Variants in UBR4 observed in about 807,000 individuals in gnomAD.
The protein encoded by UBR4 is ubiquitin protein ligase E3 component n-recognin 4, also known as E3 ubiquitin-protein ligase UBR4.
In UBR4, 124 loss-of-function variants were observed where a neutral mutation model predicts 575.6. That is an observed-to-expected ratio of 0.22 (90% confidence interval 0.19 to 0.25). The LOEUF is 0.25. Among genes scored for constraint, UBR4 ranks in the 10% least tolerant of loss-of-function variants. UBR4 has a pLI of 1.00. For synonymous variants in UBR4, 2,455 were observed against 2,473.7 expected (o/e 0.99, Z 0.22); for missense variants, 4,818 against 6,478.8 (o/e 0.74, Z 8.80).
intron 60 of UBR4, among the ~76,000 whole-genome samples, chr1:19,131,745 T>C (rs1037039447): frequency 1.2e-4 from 19 of 152,208 alleles, no homozygotes; most frequent in African/African-American, 4.6e-4. Flanking sequence ...TGGTCACGCA[T>C]GCCTGTAATC....
intron 102 of UBR4, among the ~76,000 whole-genome samples, chr1:19,084,113 G>A (rs908974509): frequency 2.0e-5 from 3 of 152,206 alleles, no homozygotes; most frequent in Admixed American, 2.0e-4. Flanking sequence ...GACTAATGAT[G>A]TGGGCACAGC....
chr1:19,200,546 T>C (rs2092699099), intron 2 of UBR4, among the ~76,000 whole-genome samples: 1 of 151,876 alleles, frequency 6.6e-6, no homozygotes, highest in African/African-American at 2.4e-5. Context: ...GCCCAGGAGT[T>C]TGAGACCAGC....
At position 19,143,259 on chromosome 1, in the gene UBR4, G is replaced by GAAGAAAGAAAGA. The variant is rs200550539; in HGVS notation, c.8179+709_8179+720dup. Among the ~76,000 whole-genome samples, 778 of 91,530 alleles carry GAAGAAAGAAAGA rather than the reference G, an allele frequency of 8.5e-3. 9 individuals are homozygous for GAAGAAAGAAAGA. The highest frequency in any genetic ancestry group is 0.013 in the Middle Eastern group (3 of 232). The allele number at this position is 91,530 out of a possible 152,430, so 60.0% of individuals were successfully genotyped here. A position where few individuals can be genotyped will look rare whatever the true frequency, so the allele number is the denominator to read the frequency against. ...GGCAGGAAGGAAGGAAGGAAGGAAG[G>GAAGAAAGAAAGA]AAGAAAGAAAGAAAGAAAGAAAGAA... is the stretch of plus-strand genomic sequence containing the variant. On this transcript the variant is annotated intron_variant, in intron 55 of 105. Transcript: ENST00000375254.
intron 49 of UBR4, among the ~76,000 whole-genome samples, chr1:19,149,435 A>C (rs2085337968): frequency 6.6e-6 from 1 of 152,296 alleles, no homozygotes; most frequent in Non-Finnish European, 1.5e-5. Context: ...CGAGCTCTCT[A>C]GTGGGTTATC....
intron 25 of UBR4, among the ~76,000 whole-genome samples, chr1:19,171,395 G>A (rs926846543): frequency 3.3e-5 from 5 of 152,088 alleles, no homozygotes; most frequent in Non-Finnish European, 7.4e-5. Context: ...TACCTGGCAC[G>A]TAGCAGCCAT....
chr1:19,107,431 C>T (rs754566894), intron 81 of UBR4, among the ~76,000 whole-genome samples: 6 of 152,158 alleles, frequency 3.9e-5, no homozygotes, highest in Non-Finnish European at 8.8e-5. Context: ...AAAATTATTA[C>T]GGACTCCAGA....
chr1:19,155,407 C>A lies in UBR4; in HGVS notation c.6300+34G>T, dbSNP rs377425317. 4 of 1,579,150 alleles carry A rather than the reference C, an allele frequency of 2.5e-6. No homozygotes were observed. The African/African-American group carries it at 4.1e-5, about 16-fold the overall frequency. On this transcript the variant is annotated intron_variant, in intron 43 of 105. Coordinates refer to ENST00000375254, the MANE Select transcript of UBR4 (RefSeq NM_020765.3). Reference sequence around the variant, plus strand: ...AGAGGAGTTGCTAAATAATTAAATCCGGAATAGAAGGAAATAGCAACATGT... The same window carrying A: ...AGAGGAGTTGCTAAATAATTAAATCAGGAATAGAAGGAAATAGCAACATGT...
rs575622571 is a variant in UBR4 at position 19,144,991 on chromosome 1, T to A, written c.7946-84A>T. 329 of 1,529,770 alleles carry A rather than the reference T, an allele frequency of 2.2e-4. 9 individuals carry two copies. The South Asian group carries it at 3.7e-3, about 17-fold the overall frequency. The allele number at this position is 1,529,770 out of a possible 1,614,324, so 94.8% of individuals were successfully genotyped here. On this transcript the variant is annotated intron_variant, in intron 53 of 105. Coordinates refer to ENST00000375254, the MANE Select transcript of UBR4 (RefSeq NM_020765.3). ...AGTCTGAGACAAAAGTGTAACCTTT[T>A]ATCTCCATGTAAAAGGTCATGCAAA...
At chr1:19,082,080 T>G (rs1029348780) in intron 102 of UBR4, 1 of 394,392 alleles carries the variant, frequency 2.5e-6, no homozygotes, top group Admixed American at 4.1e-5. Flanking sequence ...TAAATGTGCA[T>G]GTGGTTCCTT....
chr1:19,112,409 T>C, intron 78 of UBR4, 115 bp downstream of exon 78: 7 of 1,207,694 alleles, frequency 5.8e-6, no homozygotes, highest in East Asian at 2.4e-5. Flanking sequence ...TGTTATAAGC[T>C]ACCTAACTTG....
chr1:19,120,652 T>TACAGTGAC (rs2081070669), intron 68 of UBR4, among the ~76,000 whole-genome samples: 1 of 152,080 alleles, frequency 6.6e-6, no homozygotes, highest in Non-Finnish European at 1.5e-5. Context: ...ACTGAACAAA[T>TACAGTGAC]ACAGTGACAC....
chr1:19,143,215 AAAGGAAGG>A (rs1315545733), intron 55 of UBR4, among the ~76,000 whole-genome samples: 3 of 119,214 alleles, frequency 2.5e-5, no homozygotes, highest in African/African-American at 9.5e-5. Flanking sequence ...GGAAGGAAAG[AAAGGAAGG>A]AAGGAAGGAA....
chr1:19,130,070 T>C (rs532536427), intron 60 of UBR4, among the ~76,000 whole-genome samples: 5 of 152,130 alleles, frequency 3.3e-5, no homozygotes, highest in South Asian at 4.2e-4. Context: ...TTAAAGAAAA[T>C]AGCTGGACAT....
At chr1:19,135,612 T>G (rs1327566132) in intron 60 of UBR4, among the ~76,000 whole-genome samples, 1 of 152,156 alleles carries the variant, frequency 6.6e-6, no homozygotes, top group Non-Finnish European at 1.5e-5. Flanking sequence ...TTTATTCCTA[T>G]TTGATGTTTT....
chr1:19,095,214 G>A (rs930984112), intron 93 of UBR4, among the ~76,000 whole-genome samples, 189 bp from the exon 94 acceptor site: 1 of 152,200 alleles, frequency 6.6e-6, no homozygotes, highest in African/African-American at 2.4e-5. Context: ...TTGATGACAG[G>A]CAGCTTTGCT....
At chr1:19,154,231 G>A (rs2086131170) in intron 44 of UBR4, among the ~76,000 whole-genome samples, 1 of 152,200 alleles carries the variant, frequency 6.6e-6, no homozygotes, top group Non-Finnish European at 1.5e-5. Context: ...GAGGGCCATG[G>A]AGCTGCCTAA....
At chr1:19,178,926 A>G in intron 18 of UBR4, 125 bp downstream of exon 18, 1 of 1,223,838 alleles carries the variant, frequency 8.2e-7, no homozygotes, top group South Asian at 1.4e-5. Flanking sequence ...TCCCTCTTCT[A>G]CCCTCCCCAC....
chr1:19,108,427 G>A (rs1161399446), intron 81 of UBR4, among the ~76,000 whole-genome samples: 2 of 151,882 alleles, frequency 1.3e-5, no homozygotes, highest in East Asian at 3.9e-4. Context: ...AAAGGCAGCT[G>A]GTTTGGCTTG....
chr1:19,147,084 A>T, intron 51 of UBR4, 84 bp from the exon 52 acceptor site: 1 of 1,450,038 alleles, frequency 6.9e-7, no homozygotes, highest in Non-Finnish European at 9.2e-7. Flanking sequence ...CTGGCAGATC[A>T]CCAGGATTAT....
Sources: gnomAD v4.1 joint callset for allele counts (sites outside exome capture counted in the v4.1 genomes callset) on GRCh38, gnomAD v4.1.1 for gene constraint, MANE v1.5 for transcripts, NCBI Gene and HGNC (gene_info 2026-07-23, HGNC 2026-07-21) for gene names.